The following ATG2B variants were observed in gnomAD, a reference collection of about 807,000 sequenced individuals.
The protein encoded by ATG2B is autophagy-related protein 2 homolog B.
Under a neutral mutation model 241.3 loss-of-function variants are expected in ATG2B, and 121 were observed. The observed-to-expected ratio is 0.50, with a 90% CI of 0.43 to 0.58. ATG2B has a LOEUF of 0.58. Among genes scored for constraint, ATG2B ranks in the 20% least tolerant of loss-of-function variants. The probability of loss-of-function intolerance (pLI) is 0.00; values close to 1 mark genes in which losing one functional copy is unlikely to be tolerated. For missense variants in ATG2B, 2,306 were observed against 2,491.6 expected, an observed-to-expected ratio of 0.93 and a Z score of 1.59; for synonymous variants, 858 against 876.6, an observed-to-expected ratio of 0.98 and a Z score of 0.37.
In ATG2B at chr14:96,332,543, T is replaced by G. The variant is rs762466867; in HGVS notation, c.1320A>C (p.Thr440=). 2.5e-6 allele frequency: 4 copies of G among 1,611,306 alleles called. No homozygotes were observed. Among genetic ancestry groups the G allele is most frequent in the African/African-American group, 1.3e-5 (1 of 74,844 alleles). The change falls in exon 9 of 42, where the codon ACA becomes ACC. Residue 440 remains threonine, a synonymous_variant. Transcript: ENST00000359933. The part of the protein sequence containing the change: ...NMDLELSLTS[T]YTNTPAGSPL... ...GAGATCCTGCTGGGGTATTTGTATA[T>G]GTACTAGTTAATGATAACTCAAGGT...
chr14:96,330,759 G>C (rs1242356833), intron 11 of ATG2B, among the ~76,000 whole-genome samples: 2 of 152,166 alleles, frequency 1.3e-5, no homozygotes, highest in African/African-American at 4.8e-5. Flanking sequence ...GTGAGACTCT[G>C]TCTCAAAACA....
intron 1 of ATG2B, among the ~76,000 whole-genome samples, chr14:96,355,879 G>A (rs533000674): frequency 7.9e-5 from 12 of 151,996 alleles, no homozygotes; most frequent in Non-Finnish European, 1.6e-4. Context: ...GCATAAAAAC[G>A]CGCATGAGCT....
intron 17 of ATG2B, 109 bp from the exon 18 acceptor site, chr14:96,322,363 G>T: frequency 7.2e-7 from 1 of 1,382,322 alleles, no homozygotes; most frequent in Admixed American, 2.5e-5. Context: ...AAATAAGCAT[G>T]AAACATTTAA....
At chr14:96,324,292 TTTC>T in intron 15 of ATG2B, 1 of 272,110 alleles carries the variant, frequency 3.7e-6, no homozygotes, top group Non-Finnish European at 6.8e-6. Flanking sequence ...TTAGTGATTA[TTTC>T]TTCATAAAGT....
intron 33 of ATG2B, among the ~76,000 whole-genome samples, 198 bp downstream of exon 33, chr14:96,302,863 A>G (rs530014473): frequency 6.6e-6 from 1 of 152,326 alleles, no homozygotes; most frequent in Admixed American, 6.5e-5. Context: ...TAGCAATTAG[A>G]GTTAATGGAC....
At chr14:96,303,472 CCA>C (rs908010008) in intron 32 of ATG2B, among the ~76,000 whole-genome samples, 10 of 152,206 alleles carry the variant, frequency 6.6e-5, no homozygotes, top group Admixed American at 2.6e-4. Flanking sequence ...GTTTTGCTTT[CCA>C]CAGTTTCAGT....
intron 36 of ATG2B, chr14:96,292,844 C>A (rs905330124): frequency 1.3e-5 from 2 of 152,180 alleles, no homozygotes; most frequent in Non-Finnish European, 2.9e-5. Context: ...GGATACCAAA[C>A]CCCTTGATGT....
rs776040137 is a variant in ATG2B, at chr14:96,285,942, C to T, written c.6050G>A (p.Arg2017Gln). Residue 2017 changes from arginine to glutamine, a missense_variant, in exon 42 of 42, where the codon CGA (arginine) becomes CAA (glutamine). By Grantham distance (43) the Arg-to-Gln change is conservative. Around this residue, in one of 2 missense-constraint regions of ATG2B, gnomAD observed 379 missense variants for 480.4 expected, o/e 0.79. Coordinates refer to ENST00000359933, the MANE Select transcript of ATG2B (RefSeq NM_018036.7). The surrounding 1 kb of genome is among the most constrained non-coding windows in gnomAD (Gnocchi z 4.2). ...TAQTIYETAA[R>Q]EHESRGVTGA... ...AGTCACCCCTCTGCTCTCGTGTTCTCGAGCCGCAGTTTCATAAATGGTCTG... is the reference window on the plus strand; with the variant it reads ...AGTCACCCCTCTGCTCTCGTGTTCTTGAGCCGCAGTTTCATAAATGGTCTG... 18 of 1,613,524 alleles carry T rather than the reference C, an allele frequency of 1.1e-5. No individual in the cohort carries two copies. The highest frequency in any genetic ancestry group is 1.4e-5 in the Non-Finnish European group (16 of 1,179,972).
intron 36 of ATG2B, among the ~76,000 whole-genome samples, chr14:96,294,100 C>G (rs1234618503): frequency 6.6e-6 from 1 of 152,158 alleles, no homozygotes; most frequent in African/African-American, 2.4e-5. Flanking sequence ...TTTTTTCTAC[C>G]TATTTTCATC....
chr14:96,331,390 T>C lies in ATG2B; in HGVS notation c.1716A>G (p.Ser572=), dbSNP rs1372322706. 6.2e-7 allele frequency: 1 copy of C among 1,613,012 alleles called. No homozygotes were observed. Among genetic ancestry groups the C allele is most frequent in the Non-Finnish European group, 8.5e-7 (1 of 1,179,624 alleles). ...SFRAVFAEAC[S]HDHLRFIGTG... is the part of the protein sequence containing the mutation. Reference sequence around the variant, plus strand: ...TGAGAGTTTACCTAAGGTGATCGTGTGAGCAAGCTTCTGCAAACACTGCTC... The same window carrying C: ...TGAGAGTTTACCTAAGGTGATCGTGCGAGCAAGCTTCTGCAAACACTGCTC... Residue 572 remains serine, a synonymous_variant, in exon 11 of 42, where the codon TCA becomes TCG. Transcript: ENST00000359933.
At chr14:96,306,619 G>T in intron 30 of ATG2B, 95 bp downstream of exon 30, 11 of 1,039,624 alleles carry the variant, frequency 1.1e-5, no homozygotes, top group African/African-American at 1.7e-5. Flanking sequence ...GAACTATAAA[G>T]AATTTACAAA....
At chr14:96,286,627 T>C (rs1174854407) in intron 41 of ATG2B, among the ~76,000 whole-genome samples, 2 of 152,226 alleles carry the variant, frequency 1.3e-5, no homozygotes, top group African/African-American at 2.4e-5. Flanking sequence ...ATTCAGTCTC[T>C]ATGCTAGTAA....
At position 96,302,106 on chromosome 14, in the gene ATG2B, C is replaced by A. The variant is rs762110929; in HGVS notation, c.5040G>T (p.Leu1680Phe). Residue 1680 changes from leucine (L) to phenylalanine (F), a missense_variant and splice_region_variant, in exon 34 of 42, where the codon TTG becomes TTT. By Grantham distance (22) the Leu-to-Phe change is conservative. Transcript: ENST00000359933. Reference sequence around the variant, plus strand: ...GACACACGTGTAAGGCTTTCACTGTCAACTACAAGGCAAGAAAGAGAATAA... The same window carrying A: ...GACACACGTGTAAGGCTTTCACTGTAAACTACAAGGCAAGAAAGAGAATAA... ...EMPRKAHSNM[L>F]TVKALHVCPE... The A allele has an allele frequency of 6.2e-6, 10 of 1,603,364 alleles. No individual in the cohort carries two copies. Among genetic ancestry groups the A allele is most frequent in the Non-Finnish European group, 8.5e-6 (10 of 1,170,992 alleles).
chr14:96,329,368 A>G, intron 12 of ATG2B, 116 bp downstream of exon 12: 1 of 633,454 alleles, frequency 1.6e-6, no homozygotes. Context: ...AGAAAATGAC[A>G]ATATTCCTCC....
Position 96,285,970 on chromosome 14 carries a change from C to T in ATG2B, c.6022G>A (p.Ala2008Thr). 1 of 1,612,962 alleles carries T rather than the reference C, an allele frequency of 6.2e-7. No individual in the cohort carries two copies. Among genetic ancestry groups the T allele is most frequent in the Non-Finnish European group, 8.5e-7 (1 of 1,179,418 alleles). The change falls in exon 42 of 42, where the codon GCT becomes ACT. Residue 2008 changes from alanine (A) to threonine (T), a missense_variant. Coordinates refer to ENST00000359933, the MANE Select transcript of ATG2B (RefSeq NM_018036.7). This position sits in a 1 kb window ranked among gnomAD's most constrained non-coding sequence, Gnocchi z 4.2. Reference protein sequence around the residue: ...SVVKEGITDTAQTIYETAARE... With the variant: ...SVVKEGITDTTQTIYETAARE... ...GCCGCAGTTTCATAAATGGTCTGAG[C>T]CGTGTCTGTGATTCCCTGCGTAGAG...
intron 31 of ATG2B, among the ~76,000 whole-genome samples, chr14:96,304,967 C>A (rs546194551): frequency 2.0e-5 from 3 of 151,856 alleles, no homozygotes; most frequent in Non-Finnish European, 4.4e-5. Context: ...GGAATCCCAA[C>A]TAATACACAA....
At chr14:96,325,596 T>A in intron 15 of ATG2B, 53 bp downstream of exon 15, 1 of 1,511,576 alleles carries the variant, frequency 6.6e-7, no homozygotes, top group Non-Finnish European at 9.0e-7. Context: ...TAAGTTTCAG[T>A]AGCAGTTGTT....
chr14:96,313,498 C>A, intron 23 of ATG2B, 63 bp from the exon 24 acceptor site: 1 of 759,662 alleles, frequency 1.3e-6, no homozygotes, highest in Non-Finnish European at 2.1e-6. Context: ...ATATAATATC[C>A]TTAATACCAA....
chr14:96,345,346 G>T lies in ATG2B; in HGVS notation c.365C>A (p.Thr122Asn), dbSNP rs1347279828. The change falls in exon 3 of 42, where the codon ACC (threonine) becomes AAC (asparagine). Residue 122 changes from threonine to asparagine, a missense_variant. By Grantham distance (65) the Thr-to-Asn change is moderately conservative. Around this residue, in one of 2 missense-constraint regions of ATG2B, gnomAD observed 1,927 missense variants for 2,011.2 expected, o/e 0.96. Coordinates refer to ENST00000359933, the MANE Select transcript of ATG2B (RefSeq NM_018036.7). ...TTCTTTTGCCAATTGCATACTGCTG[G>T]TCATAAAACTTGACCAATACATAGG... is the stretch of plus-strand genomic sequence containing the variant. ...SEPMYWSSFM[T>N]SSMQLAKECL... The T allele has an allele frequency of 6.2e-7, 1 of 1,612,690 alleles. No homozygotes were observed. The highest frequency in any genetic ancestry group is 8.5e-7 in the Non-Finnish European group (1 of 1,179,322).
Sources: gnomAD v4.1 joint callset for allele counts (sites outside exome capture counted in the v4.1 genomes callset) on GRCh38, gnomAD v4.1.1 for gene constraint, gnomAD v4.1.1 regional missense constraint, Gnocchi (gnomAD v3.1) non-coding constraint, MANE v1.5 for transcripts, NCBI Gene and HGNC (gene_info 2026-07-23, HGNC 2026-07-21) for gene names.